Variants in STK32B observed in about 807,000 individuals in gnomAD.
STK32B encodes serine/threonine-protein kinase 32B.
A neutral mutation model predicts 52.6 loss-of-function variants in STK32B; 43 were observed. That is an observed-to-expected ratio of 0.82 (90% CI 0.64 to 1.05). STK32B has a LOEUF of 1.05. Among genes scored for constraint, STK32B ranks in the 50% least tolerant of loss-of-function variants. The pLI, the probability that STK32B is intolerant of heterozygous loss-of-function variation, is 0.00. For synonymous variants in STK32B, 238 were observed against 204.3 expected, an observed-to-expected ratio of 1.17 and a Z score of -1.41; for missense variants, 621 against 534.6, an observed-to-expected ratio of 1.16 and a Z score of -1.59.
At chr4:5,313,465 CT>C (rs139038027) in intron 3 of STK32B, among the ~76,000 whole-genome samples, 12,591 of 151,962 alleles carry the variant, frequency 0.083, 843 homozygotes, top group African/African-American at 0.18. Flanking sequence ...AGGATTTTTG[CT>C]TTTACTACTC....
Position 5,371,002 on chromosome 4 carries a change from A to ATATATATATATATACGTATATATATG in STK32B, c.435-27196_435-27195insATATACGTATATATATGTATATATAT, listed in dbSNP as rs1204029655. Among the ~76,000 whole-genome samples the ATATATATATATATACGTATATATATG allele has an allele frequency of 2.7e-4, 32 of 118,436 alleles. 2 individuals carry two copies. In the South Asian group the frequency reaches 7.5e-3, roughly 28 times the overall value. 77.7% of individuals were successfully genotyped at this position (118,436 alleles called of 152,430 possible). ...TATATATATGTGTGTGTGTGTATAT[A>ATATATATATATATACGTATATATATG]TATATATATGTATATATATGTGTAT... is the stretch of plus-strand genomic sequence containing the variant. On this transcript the variant is annotated intron_variant, in intron 4 of 11. Coordinates refer to ENST00000282908, the MANE Select transcript of STK32B (RefSeq NM_018401.3).
intron 4 of STK32B, among the ~76,000 whole-genome samples, chr4:5,352,794 A>C (rs554162973): frequency 1.3e-5 from 2 of 152,052 alleles, no homozygotes; most frequent in South Asian, 4.1e-4. Context: ...TCGATTCATC[A>C]ATAATTAACT....
chr4:5,459,973 A>G, intron 8 of STK32B, 130 bp from the exon 9 acceptor site: 2 of 1,359,942 alleles, frequency 1.5e-6, no homozygotes, highest in Non-Finnish European at 2.0e-6. Context: ...AGTGACCCAG[A>G]CGGGGCACAA....
intron 8 of STK32B, among the ~76,000 whole-genome samples, chr4:5,459,062 C>G (rs1716810669): frequency 6.6e-6 from 1 of 152,226 alleles, no homozygotes; most frequent in African/African-American, 2.4e-5. Flanking sequence ...TGAACTTCCA[C>G]ATGGTATTGA....
intron 3 of STK32B, among the ~76,000 whole-genome samples, chr4:5,194,147 T>C (rs569055779): frequency 6.6e-6 from 1 of 152,348 alleles, no homozygotes; most frequent in Admixed American, 6.5e-5. Context: ...CTGATGTTAA[T>C]GTGTTTTCTT....
chr4:5,073,818 G>GT (rs1711917713), intron 1 of STK32B, among the ~76,000 whole-genome samples: 1 of 151,430 alleles, frequency 6.6e-6, no homozygotes, highest in Admixed American at 6.6e-5. Context: ...CCTTGACTTT[G>GT]TTTTTTTCTG....
chr4:5,283,317 G>GA (rs61045080), intron 3 of STK32B, among the ~76,000 whole-genome samples: 4 of 149,016 alleles, frequency 2.7e-5, no homozygotes, highest in South Asian at 4.3e-4. Flanking sequence ...GAACAAAAAG[G>GA]AAAAAAAAAG....
At chr4:5,178,162 T>C (rs1332731028) in intron 3 of STK32B, among the ~76,000 whole-genome samples, 4 of 152,192 alleles carry the variant, frequency 2.6e-5, no homozygotes, top group Non-Finnish European at 4.4e-5. Flanking sequence ...ATCCAAGTGT[T>C]TCTATACATC....
the STK32B span, among the ~76,000 whole-genome samples, chr4:5,024,468 A>G: frequency 6.6e-6 from 1 of 152,134 alleles, no homozygotes; most frequent in Non-Finnish European, 1.5e-5. Context: ...ATCTCTTAAT[A>G]TCTCTCTGCC....
intron 4 of STK32B, among the ~76,000 whole-genome samples, chr4:5,364,958 C>A (rs1233772126): frequency 6.6e-6 from 1 of 152,182 alleles, no homozygotes; most frequent in Admixed American, 6.5e-5. Context: ...CCACTGCAAC[C>A]TCTACCTCCT....
At chr4:5,296,340 C>T (rs1729195883) in intron 3 of STK32B, among the ~76,000 whole-genome samples, 1 of 152,136 alleles carries the variant, frequency 6.6e-6, no homozygotes, top group South Asian at 2.1e-4. Context: ...TCTCATTGAT[C>T]TGTCTAATAT....
At chr4:5,135,129 G>C (rs1272422926) in intron 1 of STK32B, among the ~76,000 whole-genome samples, 2 of 152,208 alleles carry the variant, frequency 1.3e-5, no homozygotes, top group Non-Finnish European at 2.9e-5. Context: ...GATTTAATCA[G>C]ACCAGTGTTG....
rs530772783 is a variant in STK32B, at chr4:5,374,092, G to A, written c.435-24115G>A. 1.7e-3 allele frequency among the ~76,000 whole-genome samples: 260 copies of A among 152,328 alleles called. 1 individual carries two copies. Among genetic ancestry groups the A allele is most frequent in the African/African-American group, 5.1e-3 (213 of 41,574 alleles). On this transcript the variant is annotated intron_variant, in intron 4 of 11. Coordinates refer to ENST00000282908, the MANE Select transcript of STK32B (RefSeq NM_018401.3). ...GGGGAGAAGGCCATGTGAAATGGAA[G>A]CAGGGAAGTGAGTGATGCAGCCACA...
chr4:5,105,405 C>T (rs1714043688), intron 1 of STK32B, among the ~76,000 whole-genome samples: 1 of 151,914 alleles, frequency 6.6e-6, no homozygotes, highest in South Asian at 2.1e-4. Context: ...AGCGAAATAC[C>T]TATTTAGTCT....
rs1375339173 is a variant in STK32B, at chr4:5,470,940, TGTC to T, written c.1106+2874_1106+2876del. 6.6e-6 allele frequency among the ~76,000 whole-genome samples: 1 copy of T among 152,200 alleles called. No homozygotes were observed. Among genetic ancestry groups the T allele is most frequent in the Non-Finnish European group, 1.5e-5 (1 of 68,034 alleles). ...GGGGAGCCAAGCATCAAGCCAGGCTTGTCGTCATGCTCCGCCTGGACCACGTCC... is the reference window on the plus strand; with the variant it reads ...GGGGAGCCAAGCATCAAGCCAGGCTTGTCATGCTCCGCCTGGACCACGTCC... On this transcript the variant is annotated intron_variant, in intron 11 of 11. Coordinates refer to ENST00000282908, the MANE Select transcript of STK32B (RefSeq NM_018401.3). This position sits in a 1 kb window ranked among gnomAD's most constrained non-coding sequence, Gnocchi z 4.6.
intron 1 of STK32B, among the ~76,000 whole-genome samples, chr4:5,085,071 T>C (rs1461943240): frequency 6.6e-6 from 1 of 152,246 alleles, no homozygotes; most frequent in Non-Finnish European, 1.5e-5. Context: ...CAAGATTCTC[T>C]GAACAAATGT....
chr4:5,496,399 C>T (rs1271086333), intron 11 of STK32B, among the ~76,000 whole-genome samples: 2 of 152,244 alleles, frequency 1.3e-5, no homozygotes, highest in South Asian at 2.1e-4. Flanking sequence ...GGGATATCTC[C>T]TGGTGCACCG....
chr4:5,062,896 C>T (rs1742270670), intron 1 of STK32B, among the ~76,000 whole-genome samples: 1 of 152,284 alleles, frequency 6.6e-6, no homozygotes, highest in South Asian at 2.1e-4. Flanking sequence ...GATTACACTT[C>T]TAGAATTCAT....
At chr4:5,291,288 G>A (rs1728877506) in intron 3 of STK32B, among the ~76,000 whole-genome samples, 1 of 151,892 alleles carries the variant, frequency 6.6e-6, no homozygotes, top group African/African-American at 2.4e-5. Context: ...TTAATCTTTT[G>A]ATCCATGAAT....
Sources: allele counts gnomAD v4.1 joint callset (sites outside exome capture counted in the v4.1 genomes callset), GRCh38; gene constraint gnomAD v4.1.1; non-coding constraint Gnocchi (gnomAD v3.1); transcripts MANE v1.5; gene names NCBI Gene and HGNC (gene_info 2026-07-23, HGNC 2026-07-21).